Variants in RNF220 observed in about 807,000 individuals in gnomAD.
RNF220 encodes the protein ring finger protein 220.
RNF220 carries 7 observed loss-of-function variants against 67.1 expected under a neutral mutation model. The observed-to-expected ratio is 0.10, with a 90% CI of 0.06 to 0.20. The LOEUF is 0.20. RNF220 is among the 10% of genes least tolerant of loss of function. The pLI is 1.00. For missense variants in RNF220, 565 were observed against 740.3 expected (o/e 0.76, Z 2.75); for synonymous variants, 270 against 283.2 (o/e 0.95, Z 0.47).
At chr1:44,542,404 C>T (rs1661743897) in intron 2 of RNF220, among the ~76,000 whole-genome samples, 1 of 152,156 alleles carries the variant, frequency 6.6e-6, no homozygotes, top group African/African-American at 2.4e-5. Flanking sequence ...AAATGCCCTG[C>T]CCATGCCCCT....
intron 2 of RNF220, among the ~76,000 whole-genome samples, chr1:44,475,831 G>T (rs1655251158): frequency 6.6e-6 from 1 of 151,374 alleles, no homozygotes; most frequent in Non-Finnish European, 1.5e-5. Context: ...CGCCAACATG[G>T]TGAAACCCTG....
At position 44,613,911 on chromosome 1, in the gene RNF220, T is replaced by C. The variant is rs117832829; in HGVS notation, c.626-254T>C. Among the ~76,000 whole-genome samples the C allele has an allele frequency of 4.1e-4, 63 of 151,924 alleles. No homozygotes were observed. In the East Asian group the frequency reaches 0.011, roughly 26 times the overall value. On this transcript the variant is annotated intron_variant, in intron 2 of 14. Transcript: ENST00000361799. ...AATTAATTTAAAAAAGAAAAAAAAA[T>C]AGACATCCCATGGGGGATGTGTCCT...
At chr1:44,455,783 A>G (rs1432570062) in intron 2 of RNF220, among the ~76,000 whole-genome samples, 1 of 152,180 alleles carries the variant, frequency 6.6e-6, no homozygotes, top group Non-Finnish European at 1.5e-5. Flanking sequence ...TAAATACAAC[A>G]CAGATTGTTT....
chr1:44,576,725 G>A (rs1195754981), intron 2 of RNF220, among the ~76,000 whole-genome samples: 3 of 152,180 alleles, frequency 2.0e-5, no homozygotes, highest in Admixed American at 6.5e-5. Context: ...AGAAAAAGGG[G>A]GGAAAAAAGC....
At chr1:44,521,360 A>G (rs1302180571) in intron 2 of RNF220, among the ~76,000 whole-genome samples, 1 of 152,266 alleles carries the variant, frequency 6.6e-6, no homozygotes, top group African/African-American at 2.4e-5. Context: ...AGGGAGACAC[A>G]TTCTTTGCCG....
At chr1:44,415,273 C>G (rs765552194) in intron 2 of RNF220, among the ~76,000 whole-genome samples, 8 of 151,724 alleles carry the variant, frequency 5.3e-5, no homozygotes, top group Non-Finnish European at 1.0e-4. Context: ...CCACTAGATG[C>G]CTTTCAGGTC....
rs114333009 is a variant in RNF220 at position 44,550,767 on chromosome 1, T to C, written c.626-63398T>C. Among the ~76,000 whole-genome samples, 776 of 152,132 alleles carry C rather than the reference T, an allele frequency of 5.1e-3. 4 individuals are homozygous for C. Among genetic ancestry groups the C allele is most frequent in the African/African-American group, 0.018 (737 of 41,516 alleles). The stretch of plus-strand genomic sequence containing the variant: ...GGTTTCCAGCCCGTTTAGTTCTGAG[T>C]GTATGTGTAGCTTCAGCAGCAACTC... On this transcript the variant is annotated intron_variant, in intron 2 of 14. Transcript: ENST00000361799.
chr1:44,476,184 T>C (rs1655286794), intron 2 of RNF220, among the ~76,000 whole-genome samples: 1 of 151,896 alleles, frequency 6.6e-6, no homozygotes, highest in Admixed American at 6.6e-5. Flanking sequence ...TCTGAGATGC[T>C]AGTTCTGTGG....
chr1:44,524,777 G>A (rs1392082454), intron 2 of RNF220, among the ~76,000 whole-genome samples: 2 of 152,106 alleles, frequency 1.3e-5, no homozygotes, highest in Non-Finnish European at 2.9e-5. Flanking sequence ...TGCCCTTGAC[G>A]TTTTACAGAT....
rs777994617 is a variant in RNF220 at position 44,650,699 on chromosome 1, T to C, written c.1630-5T>C. 1.9e-6 allele frequency: 3 copies of C among 1,613,690 alleles called. No homozygotes were observed. The highest frequency in any genetic ancestry group is 2.2e-5 in the South Asian group (2 of 91,074). On this transcript the variant is annotated splice_polypyrimidine_tract_variant and splice_region_variant and intron_variant, in intron 14 of 14. Transcript: ENST00000361799. This position sits in a 1 kb window ranked among gnomAD's most constrained non-coding sequence, Gnocchi z 4.3. ...AGACCAGAGCCCTCCCTGTTCTCCC[T>C]GCAGGGTGCCAAGAAGCTCTGCCCT... is the stretch of plus-strand genomic sequence containing the variant.
chr1:44,505,984 T>C (rs1478161716), intron 2 of RNF220, among the ~76,000 whole-genome samples: 2 of 151,974 alleles, frequency 1.3e-5, no homozygotes, highest in Non-Finnish European at 2.9e-5. Flanking sequence ...TAGCCCATCA[T>C]ACCCCCTTAT....
chr1:44,510,537 A>G (rs899664145), intron 2 of RNF220, among the ~76,000 whole-genome samples: 1 of 152,164 alleles, frequency 6.6e-6, no homozygotes, highest in African/African-American at 2.4e-5. Context: ...TTTTCAGGAC[A>G]TTAACATCAC....
At position 44,645,224 on chromosome 1, in the gene RNF220, C is replaced by T. The variant is rs759260164; in HGVS notation, c.1314C>T (p.Gly438=). ...TTTCCTCCCTCCTTTCCTCCAGTGGCGGCCCTCCCAGCACGCGCATCACAC... is the reference window on the plus strand; with the variant it reads ...TTTCCTCCCTCCTTTCCTCCAGTGGTGGCCCTCCCAGCACGCGCATCACAC... ...REALRGAVLN[G]GPPSTRITPE... The change falls in exon 11 of 15, where the codon GGC becomes GGT. Residue 438 remains glycine, a synonymous_variant. Transcript: ENST00000361799. This position sits in a 1 kb window ranked among gnomAD's most constrained non-coding sequence, Gnocchi z 5.0. 45 of 1,613,990 alleles carry T rather than the reference C, an allele frequency of 2.8e-5. No individual in the cohort carries two copies. The highest frequency in any genetic ancestry group is 3.1e-5 in the Non-Finnish European group (37 of 1,180,020).
At chr1:44,504,216 T>C (rs1489621948) in intron 2 of RNF220, among the ~76,000 whole-genome samples, 1 of 152,182 alleles carries the variant, frequency 6.6e-6, no homozygotes, top group African/African-American at 2.4e-5. Context: ...TGCTGATCAA[T>C]GTTGCCACCC....
intron 2 of RNF220, among the ~76,000 whole-genome samples, chr1:44,446,555 G>A (rs1349918543): frequency 6.7e-6 from 1 of 150,182 alleles, no homozygotes; most frequent in Admixed American, 6.7e-5. Flanking sequence ...GTTCCTTGGA[G>A]TAACCTTTTT....
chr1:44,523,691 A>G (rs1660117709), intron 2 of RNF220, among the ~76,000 whole-genome samples: 1 of 152,132 alleles, frequency 6.6e-6, no homozygotes, highest in Non-Finnish European at 1.5e-5. Flanking sequence ...GGTGTTAGGG[A>G]GAGGTATGGA....
chr1:44,602,518 G>A (rs1666994883), intron 2 of RNF220, among the ~76,000 whole-genome samples: 1 of 151,962 alleles, frequency 6.6e-6, no homozygotes, highest in African/African-American at 2.4e-5. Flanking sequence ...GGTCATGCTG[G>A]GAAGGTAGTG....
At chr1:44,485,998 G>A (rs1374630626) in intron 2 of RNF220, among the ~76,000 whole-genome samples, 2 of 152,176 alleles carry the variant, frequency 1.3e-5, no homozygotes, top group Non-Finnish European at 2.9e-5. Context: ...CCTGATAGGA[G>A]AGGGCTTAGA....
At chr1:44,513,419 CCTCT>C (rs1357480010) in intron 2 of RNF220, among the ~76,000 whole-genome samples, 4 of 152,272 alleles carry the variant, frequency 2.6e-5, no homozygotes, top group African/African-American at 4.8e-5. Context: ...TCTCTCTCCT[CCTCT>C]CTCTCTTTCA....
Sources: gnomAD v4.1 joint callset for allele counts (sites outside exome capture counted in the v4.1 genomes callset) on GRCh38, gnomAD v4.1.1 for gene constraint, Gnocchi (gnomAD v3.1) non-coding constraint, MANE v1.5 for transcripts, NCBI Gene and HGNC (gene_info 2026-07-23, HGNC 2026-07-21) for gene names.